The following MICAL2 variants were observed in gnomAD, a reference collection of about 807,000 sequenced individuals.
MICAL2 encodes the protein microtubule associated monooxygenase, calponin and LIM domain containing 2, also known as [F-actin]-monooxygenase MICAL2.
MICAL2 carries 77 observed loss-of-function variants against 127.3 expected under a neutral mutation model. The ratio of observed to expected loss-of-function variants is 0.60; its 90% CI spans 0.50 to 0.73. MICAL2 has a LOEUF of 0.73. Among genes scored for constraint, MICAL2 ranks in the 30% least tolerant of loss-of-function variants. MICAL2 has a pLI of 0.00. For missense variants in MICAL2, 1,351 were observed against 1,434.4 expected, an observed-to-expected ratio of 0.94 and a Z score of 0.94; for synonymous variants, 570 against 551.1, an observed-to-expected ratio of 1.03 and a Z score of -0.48.
chr11:12,120,456 G>A (rs932018858), intron 1 of MICAL2, among the ~76,000 whole-genome samples: 4 of 152,198 alleles, frequency 2.6e-5, no homozygotes, highest in Non-Finnish European at 5.9e-5. Context: ...ATGACTGGTG[G>A]AAGCTGCCTG....
chr11:12,218,574 C>G (rs1325601393), intron 8 of MICAL2, among the ~76,000 whole-genome samples: 1 of 152,210 alleles, frequency 6.6e-6, no homozygotes, highest in Non-Finnish European at 1.5e-5. Context: ...TCTCCCTTCT[C>G]TCTTCCCCCA....
intron 32 of MICAL2, among the ~76,000 whole-genome samples, chr11:12,340,121 G>C (rs900928218): frequency 6.6e-6 from 1 of 152,158 alleles, no homozygotes; most frequent in African/African-American, 2.4e-5. Context: ...AGAACCCTCA[G>C]ATACAGACGG....
chr11:12,321,023 G>A (rs971098551), intron 30 of MICAL2, among the ~76,000 whole-genome samples: 15 of 152,054 alleles, frequency 9.9e-5, no homozygotes, highest in African/African-American at 3.1e-4. Flanking sequence ...ATTCAAATTA[G>A]GCAGAGATCC....
At chr11:12,291,348 G>A (rs1212077038), downstream of MICAL2, among the ~76,000 whole-genome samples, 2 of 152,102 alleles carry the variant, frequency 1.3e-5, no homozygotes, top group African/African-American at 4.8e-5. Flanking sequence ...GAGGGGAGAG[G>A]GAGAGGAAGA....
chr11:12,268,915 T>C (rs866627416), intron 24 of MICAL2, among the ~76,000 whole-genome samples: 287 of 151,200 alleles, frequency 1.9e-3, no homozygotes, highest in African/African-American at 6.2e-3. Context: ...AAGAGAATGG[T>C]GTGAACCCGG....
chr11:12,128,030 A>G, intron 1 of MICAL2, among the ~76,000 whole-genome samples: 1 of 152,230 alleles, frequency 6.6e-6, no homozygotes, highest in East Asian at 1.9e-4. Flanking sequence ...GTCTTGCTCT[A>G]CTATCTGTCC....
downstream of MICAL2, among the ~76,000 whole-genome samples, chr11:12,268,713 G>C (rs140400645): frequency 6.6e-6 from 1 of 152,180 alleles, no homozygotes; most frequent in Non-Finnish European, 1.5e-5. Context: ...CAACTCGGCC[G>C]GGCGCGGTCG....
intron 3 of MICAL2, among the ~76,000 whole-genome samples, chr11:12,202,682 C>T (rs1854165473): frequency 6.6e-6 from 1 of 152,168 alleles, no homozygotes; most frequent in African/African-American, 2.4e-5. Flanking sequence ...GTATTTTACC[C>T]CTAGCCTGAG....
intron 7 of MICAL2, among the ~76,000 whole-genome samples, chr11:12,213,874 G>A (rs1362397162): frequency 6.6e-6 from 1 of 152,170 alleles, no homozygotes; most frequent in Non-Finnish European, 1.5e-5. Flanking sequence ...GTGCAATACA[G>A]CACTGCCCTT....
chr11:12,243,536 G>A (rs12294434), intron 20 of MICAL2: 12,464 of 164,938 alleles, frequency 0.076, 586 homozygotes, highest in Non-Finnish European at 0.093. Context: ...TTTACACTTC[G>A]TTCATTTTTA....
intron 32 of MICAL2, among the ~76,000 whole-genome samples, chr11:12,327,465 A>G (rs954388969): frequency 1.3e-5 from 2 of 152,240 alleles, no homozygotes; most frequent in Non-Finnish European, 2.9e-5. Flanking sequence ...TGTAAAAATC[A>G]AACTAGTGGC....
intron 29 of MICAL2, among the ~76,000 whole-genome samples, chr11:12,306,435 TACTCTACCAA>T (rs1864110419): frequency 1.3e-5 from 2 of 152,222 alleles, no homozygotes; most frequent in South Asian, 4.1e-4. Context: ...TGAATTCATC[TACTCTACCAA>T]ACTCTAATTT....
chr11:12,166,087 A>T (rs1288662224), intron 3 of MICAL2, among the ~76,000 whole-genome samples: 8 of 152,158 alleles, frequency 5.3e-5, no homozygotes. Flanking sequence ...GAGGAAAACG[A>T]CCCAGAAGAA....
chr11:12,319,207 A>G lies in MICAL2; in HGVS notation c.5213-489A>G, dbSNP rs139318417. Among the ~76,000 whole-genome samples, 361 of 152,314 alleles carry G rather than the reference A, an allele frequency of 2.4e-3. 1 individual carries two copies. Among genetic ancestry groups the G allele is most frequent in the African/African-American group, 7.8e-3 (326 of 41,582 alleles). ...CTTTTACACTGAGCAGATGTCATGT[A>G]GTAAAAATGGGTGCCAGATGCTGTG... On this transcript the variant is annotated intron_variant, in intron 29 of 34. Transcript: ENST00000646065.
At chr11:12,181,420 AAGG>A (rs2133951040) in intron 3 of MICAL2, among the ~76,000 whole-genome samples, 1 of 152,342 alleles carries the variant, frequency 6.6e-6, no homozygotes, top group Admixed American at 6.5e-5. Context: ...ATTTGCGGTT[AAGG>A]ATGGCATTTG....
chr11:12,296,545 G>T (rs1364765111), downstream of MICAL2, among the ~76,000 whole-genome samples: 1 of 145,980 alleles, frequency 6.9e-6, no homozygotes, highest in Non-Finnish European at 1.5e-5. Context: ...TGACATAAGG[G>T]TATATTATGT....
chr11:12,269,750 C>A (rs35712981), intron 24 of MICAL2, among the ~76,000 whole-genome samples: 3,239 of 152,358 alleles, frequency 0.021, 49 homozygotes, highest in Admixed American at 0.033. Context: ...GGTCCCTGCA[C>A]AAAGGCTACT....
intron 23 of MICAL2, chr11:12,256,564 G>A (rs759853529): frequency 6.7e-6 from 3 of 446,028 alleles, no homozygotes; most frequent in Non-Finnish European, 1.2e-5. Flanking sequence ...TTGTTGTCTC[G>A]GGCCTGTCTG....
chr11:12,116,503 C>T (rs1273300171), intron 1 of MICAL2, among the ~76,000 whole-genome samples: 1 of 152,098 alleles, frequency 6.6e-6, no homozygotes, highest in Non-Finnish European at 1.5e-5. Context: ...TGGCCAAACA[C>T]CCTGCTCCAT....
Sources: gnomAD v4.1 joint callset for allele counts (sites outside exome capture counted in the v4.1 genomes callset) on GRCh38, gnomAD v4.1.1 for gene constraint, MANE v1.5 for transcripts, NCBI Gene and HGNC (gene_info 2026-07-23, HGNC 2026-07-21) for gene names.